The following RGSL1 variants were observed in gnomAD, a reference collection of about 807,000 sequenced individuals.
The protein encoded by RGSL1 is regulator of G protein signaling like 1, also known as regulator of G protein signaling protein-like.
RGSL1 carries 97 observed loss-of-function variants against 124.7 expected under a neutral mutation model. The ratio of observed to expected loss-of-function variants is 0.78; its 90% CI spans 0.66 to 0.92. RGSL1 has a LOEUF of 0.92. RGSL1 is among the 40% of genes least tolerant of loss of function. The pLI, the probability that RGSL1 is intolerant of heterozygous loss-of-function variation, is 0.00. For missense variants in RGSL1, 1,233 were observed against 1,288.4 expected (o/e 0.96, Z 0.66); for synonymous variants, 424 against 438.1 (o/e 0.97, Z 0.40).
chr1:182,537,626 A>G (rs900796940), intron 14 of RGSL1, among the ~76,000 whole-genome samples: 3 of 152,324 alleles, frequency 2.0e-5, no homozygotes, highest in African/African-American at 4.8e-5. Context: ...ATGATTGGTT[A>G]AGTGAATCCA....
chr1:182,455,345 GC>G (rs1652217807), intron 2 of RGSL1, among the ~76,000 whole-genome samples: 1 of 152,206 alleles, frequency 6.6e-6, no homozygotes, highest in African/African-American at 2.4e-5. Context: ...AATTTGGGAG[GC>G]CAAGGTGGGG....
intron 14 of RGSL1, among the ~76,000 whole-genome samples, chr1:182,538,108 C>T (rs183571019): frequency 3.9e-5 from 6 of 152,200 alleles, no homozygotes; most frequent in Admixed American, 2.6e-4. Flanking sequence ...GTCCTTAATT[C>T]TCTGACAGTC....
chr1:182,534,144 A>G (rs939097719), intron 14 of RGSL1, among the ~76,000 whole-genome samples: 1 of 152,224 alleles, frequency 6.6e-6, no homozygotes, highest in African/African-American at 2.4e-5. Flanking sequence ...GTGTGTTTCT[A>G]TGAAACAAGT....
rs556363511 is a variant in RGSL1, at chr1:182,533,444, C to T, written c.2494+653C>T. Among the ~76,000 whole-genome samples the T allele has an allele frequency of 3.3e-5, 4 of 123,062 alleles. No homozygotes were observed. In the South Asian group the frequency reaches 6.9e-4, roughly 21 times the overall value. 80.7% of individuals were successfully genotyped at this position (123,062 alleles called of 152,430 possible). ...CTCATTCATTCATTCATTTAACACACGTTTTGAGAATCTACTATGAGGCAA... is the reference window on the plus strand; with the variant it reads ...CTCATTCATTCATTCATTTAACACATGTTTTGAGAATCTACTATGAGGCAA... On this transcript the variant is annotated intron_variant, in intron 14 of 21. Coordinates refer to ENST00000294854, the MANE Select transcript of RGSL1 (RefSeq NM_001137669.2).
chr1:182,495,948 A>T (rs370055072), intron 9 of RGSL1, among the ~76,000 whole-genome samples: 5 of 152,212 alleles, frequency 3.3e-5, no homozygotes, highest in African/African-American at 1.2e-4. Context: ...GGTGATCTTG[A>T]GTAACCCAGT....
chr1:182,533,846 T>C (rs1659360209), intron 14 of RGSL1, among the ~76,000 whole-genome samples: 1 of 152,296 alleles, frequency 6.6e-6, no homozygotes, highest in Non-Finnish European at 1.5e-5. Flanking sequence ...AGAGAAAATG[T>C]CTCCTAGAAA....
intron 21 of RGSL1, among the ~76,000 whole-genome samples, chr1:182,556,927 T>C (rs977691279): frequency 6.6e-6 from 1 of 152,166 alleles, no homozygotes. Context: ...GGTTACAGAA[T>C]AGGAAAGGAC....
At chr1:182,501,746 A>G (rs965195979) in intron 9 of RGSL1, among the ~76,000 whole-genome samples, 1 of 152,174 alleles carries the variant, frequency 6.6e-6, no homozygotes, top group Non-Finnish European at 1.5e-5. Context: ...CTGATTTATT[A>G]TTAGGATCAT....
chr1:182,554,454 A>T (rs564855321), intron 19 of RGSL1, among the ~76,000 whole-genome samples, 173 bp from the exon 20 acceptor site: 1 of 152,276 alleles, frequency 6.6e-6, no homozygotes, highest in South Asian at 2.1e-4. Context: ...CAGCATAGAA[A>T]CAAGGTCTCC....
intron 10 of RGSL1, among the ~76,000 whole-genome samples, chr1:182,526,323 G>T (rs1658736095): frequency 3.3e-5 from 5 of 152,102 alleles, no homozygotes; most frequent in Admixed American, 2.0e-4. Flanking sequence ...CTAGTTTCTA[G>T]ATATGAAAAC....
At chr1:182,505,509 A>G (rs913764417) in intron 9 of RGSL1, among the ~76,000 whole-genome samples, 2 of 152,152 alleles carry the variant, frequency 1.3e-5, no homozygotes, top group African/African-American at 4.8e-5. Flanking sequence ...CAAAGCTCTG[A>G]TTCTCACCAT....
chr1:182,507,310 C>T (rs1036227877), intron 9 of RGSL1: 2 of 152,200 alleles, frequency 1.3e-5, no homozygotes, highest in African/African-American at 4.8e-5. Context: ...ATCTTTCTAA[C>T]ACTAGGTCTT....
chr1:182,527,508 T>A, intron 10 of RGSL1, 71 bp from the exon 11 acceptor site: 1 of 1,333,572 alleles, frequency 7.5e-7, no homozygotes, highest in Non-Finnish European at 1.0e-6. Flanking sequence ...CACTTCCCCA[T>A]TTCCTAATTG....
At chr1:182,488,933 C>T (rs1655317078) in intron 7 of RGSL1, 47 bp from the exon 8 acceptor site, 5 of 1,452,254 alleles carry the variant, frequency 3.4e-6, no homozygotes, top group African/African-American at 1.4e-5. Flanking sequence ...TGCTTCTGGT[C>T]TAGTTCCTGT....
chr1:182,461,545 C>T (rs1428569997), intron 4 of RGSL1, among the ~76,000 whole-genome samples: 1 of 151,460 alleles, frequency 6.6e-6, no homozygotes, highest in African/African-American at 2.4e-5. Context: ...GATGGCAGAT[C>T]TACTAGATAA....
chr1:182,456,122 G>GT (rs1652298592), intron 2 of RGSL1, among the ~76,000 whole-genome samples: 1 of 152,144 alleles, frequency 6.6e-6, no homozygotes, highest in Non-Finnish European at 1.5e-5. Flanking sequence ...GGGCAAGGTG[G>GT]TAACAGGAAG....
chr1:182,512,865 G>GT (rs1364948222), intron 9 of RGSL1, among the ~76,000 whole-genome samples: 4 of 152,164 alleles, frequency 2.6e-5, no homozygotes, highest in Non-Finnish European at 5.9e-5. Flanking sequence ...CTTTCTGACT[G>GT]TCCCCAGCTG....
upstream of RGSL1, chr1:182,448,198 ATTTGTTTGTTTGTTTGTTTG>A (rs3030969): frequency 6.7e-5 from 10 of 149,724 alleles, no homozygotes; most frequent in East Asian, 3.9e-4. Flanking sequence ...AAACCAATTT[ATTTGTTTGTTTGTTTGTTTG>A]TTTGTTTGTT....
chr1:182,515,142 C>A (rs1657766503), intron 9 of RGSL1, among the ~76,000 whole-genome samples: 1 of 152,230 alleles, frequency 6.6e-6, no homozygotes, highest in South Asian at 2.1e-4. Flanking sequence ...ACCCGTGAAG[C>A]AGGGAGGGCC....
Sources: allele counts gnomAD v4.1 joint callset (sites outside exome capture counted in the v4.1 genomes callset), GRCh38; gene constraint gnomAD v4.1.1; transcripts MANE v1.5; gene names NCBI Gene and HGNC (gene_info 2026-07-23, HGNC 2026-07-21).